The following PRCD variants were observed in gnomAD, a reference collection of about 807,000 sequenced individuals.
PRCD encodes photoreceptor disk component PRCD.
A neutral mutation model predicts 10.1 loss-of-function variants in PRCD; 12 were observed. That is an observed-to-expected ratio of 1.18 (90% CI 0.76 to 1.92). PRCD has a LOEUF of 1.92. PRCD is among the 40% of genes most tolerant of loss of function. PRCD has a pLI of 0.00. For missense variants in PRCD, 61 were observed against 72.2 expected (o/e 0.84, Z 0.56); for synonymous variants, 31 against 26.2 (o/e 1.18, Z -0.56).
At chr17:76,547,852 CAG>C (rs59850498), downstream of PRCD, among the ~76,000 whole-genome samples, 46,609 of 145,224 alleles carry the variant, frequency 0.32, 9,423 homozygotes, top group African/African-American at 0.58. Flanking sequence ...CACACACACA[CAG>C]ACATACACAT....
At chr17:76,547,552 C>T (rs897532192), downstream of PRCD, among the ~76,000 whole-genome samples, 24 of 152,078 alleles carry the variant, frequency 1.6e-4, no homozygotes, top group Admixed American at 5.9e-4. Flanking sequence ...TAGTGGGGGA[C>T]TGAGAAAATT....
At chr17:76,537,281 C>A (rs1271408702), upstream of PRCD, 1 of 1,192,752 alleles carries the variant, frequency 8.4e-7, no homozygotes, top group Non-Finnish European at 1.1e-6. Context: ...GACCTCGGAC[C>A]GGCCCCATTC....
rs2074869111 is a variant in PRCD at position 76,533,211 on chromosome 17, C to T, written n.45+5378C>T. Among the ~76,000 whole-genome samples the T allele has an allele frequency of 6.6e-6, 1 of 152,146 alleles. No individual in the cohort carries two copies. Among genetic ancestry groups the T allele is most frequent in the Admixed American group, 6.5e-5 (1 of 15,268 alleles). On this transcript the variant is annotated intron_variant and non_coding_transcript_variant, in intron 1 of 4. Transcript: ENST00000397633. The surrounding 1 kb of genome is among the most constrained non-coding windows in gnomAD (Gnocchi z 4.5). The stretch of plus-strand genomic sequence containing the variant: ...GGCCCCTCTCAGAGGCCAACTGTGA[C>T]CTTGGGCAAACCGCTTCACAAGCTC...
chr17:76,530,631 C>T lies in PRCD; in HGVS notation n.45+2798C>T, dbSNP rs939941379. Among the ~76,000 whole-genome samples the T allele has an allele frequency of 1.3e-5, 2 of 152,144 alleles. No individual in the cohort carries two copies. The highest frequency in any genetic ancestry group is 1.9e-4 in the East Asian group (1 of 5,188). On this transcript the variant is annotated intron_variant and non_coding_transcript_variant, in intron 1 of 4. Coordinates refer to the PRCD transcript ENST00000397633. This position sits in a 1 kb window ranked among gnomAD's most constrained non-coding sequence, Gnocchi z 6.1. ...TGGCTGGGCTGACCTGGGCTGCCTC[C>T]GAGCCTGATGATCGGACCTTACCGC...
downstream of PRCD, chr17:76,545,513 G>T: frequency 2.6e-6 from 1 of 383,414 alleles, no homozygotes; most frequent in Admixed American, 3.0e-5. Flanking sequence ...CAAAGGGTGG[G>T]GTCCCTTCTG....
chr17:76,527,601 TGC>T, upstream of PRCD: 1 of 453,092 alleles, frequency 2.2e-6, no homozygotes, highest in Non-Finnish European at 4.4e-6. Flanking sequence ...CAGGGCCGAC[TGC>T]CGGCCAGGAG....
At chr17:76,548,196 C>T (rs958967284), downstream of PRCD, among the ~76,000 whole-genome samples, 2 of 151,892 alleles carry the variant, frequency 1.3e-5, no homozygotes, top group African/African-American at 4.8e-5. Context: ...TACACATTTA[C>T]ACACATACAG....
downstream of PRCD, among the ~76,000 whole-genome samples, chr17:76,547,698 C>G (rs2143201112): frequency 6.6e-6 from 1 of 151,376 alleles, no homozygotes; most frequent in Admixed American, 6.6e-5. Context: ...TTCACACACA[C>G]AGACACACAC....
upstream of PRCD, chr17:76,538,532 T>A (rs1055672626): frequency 8.6e-6 from 4 of 464,916 alleles, no homozygotes; most frequent in Non-Finnish European, 1.8e-5. Context: ...CTGCCCTGAA[T>A]TCTAGCCCAG....
upstream of PRCD, among the ~76,000 whole-genome samples, chr17:76,535,610 G>A (rs1013331860): frequency 3.3e-5 from 5 of 152,140 alleles, no homozygotes; most frequent in African/African-American, 1.2e-4. Flanking sequence ...GGCACTGAGT[G>A]CATTGGTAAT....
Position 76,540,117 on chromosome 17 carries a change from T to A in PRCD, c.-25T>A. 6.3e-7 allele frequency: 1 copy of A among 1,591,076 alleles called. No homozygotes were observed. On this transcript the variant is annotated 5_prime_UTR_variant, in exon 1 of 5. Transcript: ENST00000592014. The surrounding 1 kb of genome is among the most constrained non-coding windows in gnomAD (Gnocchi z 5.0). ...CCTGTGGCCTTCTGCAGACTTGGCC[T>A]GGGAGGGGATGGGGCAGCTGCGCCA...
Position 76,531,886 on chromosome 17 carries a change from T to C in PRCD, n.45+4053T>C. On this transcript the variant is annotated intron_variant and non_coding_transcript_variant, in intron 1 of 4. Coordinates refer to the PRCD transcript ENST00000397633. The surrounding 1 kb of genome is among the most constrained non-coding windows in gnomAD (Gnocchi z 7.4). ...GCCAAGCCGGCTCACCCCTACCAAG[T>C]CTGGCCATGTCTATCTGCCAGGCTT... 3.8e-6 allele frequency: 2 copies of C among 531,720 alleles called. No homozygotes were observed. Among genetic ancestry groups the C allele is most frequent in the Admixed American group, 3.4e-5 (1 of 29,658 alleles). The allele number at this position is 531,720 out of a possible 1,614,324, so 32.9% of individuals were successfully genotyped here.
intron 3 of PRCD, 51 bp downstream of exon 3, chr17:76,542,684 G>A (rs2075006278): frequency 4.0e-6 from 5 of 1,241,138 alleles, no homozygotes; most frequent in Non-Finnish European, 5.9e-6. Flanking sequence ...CTTGGGACAG[G>A]CAGGAAGCAA....
chr17:76,540,092 C>T lies in PRCD; in HGVS notation c.-50C>T, dbSNP rs900212175. On this transcript the variant is annotated 5_prime_UTR_variant, in exon 1 of 5. Coordinates refer to ENST00000592014, the MANE Select transcript of PRCD (RefSeq NM_001077620.3). The surrounding 1 kb of genome is among the most constrained non-coding windows in gnomAD (Gnocchi z 5.0). ...TGGCTGGGGCCATTTTGGCCCCTCGCCTGTGGCCTTCTGCAGACTTGGCCT... is the reference window on the plus strand; with the variant it reads ...TGGCTGGGGCCATTTTGGCCCCTCGTCTGTGGCCTTCTGCAGACTTGGCCT... 6.4e-7 allele frequency: 1 copy of T among 1,563,446 alleles called. No homozygotes were observed. Among genetic ancestry groups the T allele is most frequent in the African/African-American group, 1.4e-5 (1 of 74,050 alleles).
rs1374091241 is a variant in PRCD at position 76,552,851 on chromosome 17, C to A, written n.84-258C>A. 145 of 88,140 alleles carry A rather than the reference C, an allele frequency of 1.6e-3. 1 individual carries two copies. Among genetic ancestry groups the A allele is most frequent in the African/African-American group, 6.0e-3 (131 of 22,008 alleles). 5.5% of individuals were successfully genotyped at this position (88,140 alleles called of 1,614,324 possible). ...TGCATTCCAGCCTGGGCGACAAGAG[C>A]AAAGCTCTGTCTCAAAAAAAAAAAA... On this transcript the variant is annotated intron_variant and non_coding_transcript_variant, in intron 1 of 1. Transcript: ENST00000587063.
upstream of PRCD, chr17:76,537,311 T>C: frequency 7.3e-7 from 1 of 1,368,640 alleles, no homozygotes; most frequent in Admixed American, 3.4e-5. Context: ...GAGGTGGCGC[T>C]GGAGCTCGGA....
rs2074839247 is a variant in PRCD, at chr17:76,531,336, C to T, written n.45+3503C>T. 1.5e-6 allele frequency: 2 copies of T among 1,308,092 alleles called. No homozygotes were observed. Among genetic ancestry groups the T allele is most frequent in the Admixed American group, 4.5e-5 (2 of 44,348 alleles). The allele number at this position is 1,308,092 out of a possible 1,614,324, so 81.0% of individuals were successfully genotyped here. A position where few individuals can be genotyped will look rare whatever the true frequency, so the allele number is the denominator to read the frequency against. ...TCCATCCTGCTGCCGGGCACTGCCC[C>T]TCCCTCTCGCAGCCACTCCGGGGAT... On this transcript the variant is annotated intron_variant and non_coding_transcript_variant, in intron 1 of 4. Coordinates refer to the PRCD transcript ENST00000397633. This position sits in a 1 kb window ranked among gnomAD's most constrained non-coding sequence, Gnocchi z 7.4.
chr17:76,544,929 G>C lies in PRCD; in HGVS notation c.*1279G>C. On this transcript the variant is annotated 3_prime_UTR_variant, in exon 5 of 5. Coordinates refer to ENST00000592014, the MANE Select transcript of PRCD (RefSeq NM_001077620.3). ...GTTCCGAGAACCTGCGCAGGAGGTG[G>C]TGGCTGCTCCAGGGATCCATCCAGA... 1 of 456,770 alleles carries C rather than the reference G, an allele frequency of 2.2e-6. No individual in the cohort carries two copies. Among genetic ancestry groups the C allele is most frequent in the Non-Finnish European group, 4.4e-6 (1 of 226,968 alleles). The allele number at this position is 456,770 out of a possible 1,614,324, so 28.3% of individuals were successfully genotyped here. A position where few individuals can be genotyped will look rare whatever the true frequency, so the allele number is the denominator to read the frequency against.
In PRCD at chr17:76,542,346, G is replaced by A. The variant is rs1009650998; in HGVS notation, c.144-207G>A. ...GTCTGACATCGAGGAACCACCTGCC[G>A]ATGGTGGCTGCCGTGGAAGGCTGGC... On this transcript the variant is annotated intron_variant, in intron 2 of 4. Coordinates refer to ENST00000592014, the MANE Select transcript of PRCD (RefSeq NM_001077620.3). Among the ~76,000 whole-genome samples, 8 of 152,224 alleles carry A rather than the reference G, an allele frequency of 5.3e-5. No individual in the cohort carries two copies. The East Asian group carries it at 5.8e-4, about 11-fold the overall frequency.
Sources: gnomAD v4.1 joint callset for allele counts (sites outside exome capture counted in the v4.1 genomes callset) on GRCh38, gnomAD v4.1.1 for gene constraint, Gnocchi (gnomAD v3.1) non-coding constraint, MANE v1.5 for transcripts, NCBI Gene and HGNC (gene_info 2026-07-23, HGNC 2026-07-21) for gene names.